The following PCDH9 variants were observed in gnomAD, a reference collection of about 807,000 sequenced individuals.
The protein encoded by PCDH9 is protocadherin-9.
PCDH9 carries 24 observed loss-of-function variants against 70.6 expected under a neutral mutation model. That is an observed-to-expected ratio of 0.34 (90% CI 0.25 to 0.48). The LOEUF (loss-of-function observed/expected upper bound fraction) is 0.48. Ranked by LOEUF, PCDH9 falls within the 20% of genes least tolerant of loss-of-function variation. The pLI, the probability that PCDH9 is intolerant of heterozygous loss-of-function variation, is 0.99. For synonymous variants in PCDH9, 562 were observed against 558.5 expected (o/e 1.01, Z -0.09); for missense variants, 1,281 against 1,503.6 (o/e 0.85, Z 2.45).
At chr13:67,119,853 T>A (rs1160095271) in intron 2 of PCDH9, among the ~76,000 whole-genome samples, 1 of 152,178 alleles carries the variant, frequency 6.6e-6, no homozygotes, top group African/African-American at 2.4e-5. Context: ...AGAAAAATTC[T>A]GAGCCAGGTG....
chr13:66,779,849 C>CTCTCTATATATATATATATATATA (rs1395244975), intron 3 of PCDH9, among the ~76,000 whole-genome samples: 2 of 78,920 alleles, frequency 2.5e-5, no homozygotes, highest in African/African-American at 1.0e-4. Context: ...CTCTCTCTCT[C>CTCTCTATATATATATATATATATA]TATATATATA....
At position 67,087,087 on chromosome 13, in the gene PCDH9, TAA is replaced by T. The variant is rs36017495; in HGVS notation, c.3036+138316_3036+138317del. Among the ~76,000 whole-genome samples, 1,215 of 123,742 alleles carry T rather than the reference TAA, an allele frequency of 9.8e-3. 27 individuals carry two copies. The highest frequency in any genetic ancestry group is 0.031 in the African/African-American group (1,043 of 33,288). The allele number at this position is 123,742 out of a possible 152,430, so 81.2% of individuals were successfully genotyped here. On this transcript the variant is annotated intron_variant, in intron 2 of 4. Transcript: ENST00000377865. Reference sequence around the variant, plus strand: ...TCAAGAAGAGAGTTTTGATGTTTTGTAAAAAAAAAAAAAAAAAAAAAAATTAA... The same window carrying T: ...TCAAGAAGAGAGTTTTGATGTTTTGTAAAAAAAAAAAAAAAAAAAAATTAA...
At chr13:66,862,560 C>G (rs1385135846) in intron 3 of PCDH9, among the ~76,000 whole-genome samples, 1 of 152,172 alleles carries the variant, frequency 6.6e-6, no homozygotes. Context: ...AAAACTCCTG[C>G]TTTAACTTGA....
chr13:67,229,453 T>G (rs2089959474), intron 1 of PCDH9, among the ~76,000 whole-genome samples: 1 of 152,198 alleles, frequency 6.6e-6, no homozygotes, highest in South Asian at 2.1e-4. Context: ...TAGTAACATT[T>G]GCCACACATA....
At chr13:66,971,160 C>G (rs529025695) in intron 2 of PCDH9, among the ~76,000 whole-genome samples, 72 of 152,154 alleles carry the variant, frequency 4.7e-4, no homozygotes, top group Middle Eastern at 6.8e-3. Context: ...TCCTCTAACA[C>G]TCTGTACTGT....
chr13:66,505,768 T>C (rs1959205561), intron 4 of PCDH9, among the ~76,000 whole-genome samples: 1 of 152,084 alleles, frequency 6.6e-6, no homozygotes, highest in Non-Finnish European at 1.5e-5. Flanking sequence ...CCTCATACAA[T>C]ACGTGGGAAT....
chr13:66,877,722 G>T (rs2081843433), intron 3 of PCDH9, among the ~76,000 whole-genome samples: 2 of 152,016 alleles, frequency 1.3e-5, no homozygotes. Context: ...GTACCTTTCA[G>T]GTACACAATG....
At chr13:66,898,359 T>C (rs2082218969) in intron 3 of PCDH9, among the ~76,000 whole-genome samples, 1 of 152,028 alleles carries the variant, frequency 6.6e-6, no homozygotes, top group Non-Finnish European at 1.5e-5. Flanking sequence ...AGAAAAAATT[T>C]AGTGTTATTA....
intron 3 of PCDH9, among the ~76,000 whole-genome samples, chr13:66,890,924 A>G (rs550576251): frequency 6.8e-4 from 104 of 152,226 alleles, no homozygotes; most frequent in African/African-American, 2.5e-3. Flanking sequence ...TATTGCCTCA[A>G]AAACTTCCTC....
At chr13:66,360,370 TG>T (rs947924592) in intron 4 of PCDH9, among the ~76,000 whole-genome samples, 1 of 151,802 alleles carries the variant, frequency 6.6e-6, no homozygotes, top group African/African-American at 2.4e-5. Flanking sequence ...AGAGCAAAAA[TG>T]GGGGAAGTGT....
chr13:66,580,372 A>G (rs898973334), intron 4 of PCDH9, among the ~76,000 whole-genome samples: 3 of 151,992 alleles, frequency 2.0e-5, no homozygotes, highest in Admixed American at 2.0e-4. Flanking sequence ...CTCGATACCT[A>G]TCATTCTGTC....
intron 3 of PCDH9, among the ~76,000 whole-genome samples, chr13:66,804,837 T>C (rs1021358417): frequency 2.6e-5 from 4 of 152,136 alleles, no homozygotes; most frequent in Admixed American, 6.6e-5. Flanking sequence ...AGGGGGACTA[T>C]ATATAATTCT....
At chr13:66,560,934 G>A (rs561328207) in intron 4 of PCDH9, among the ~76,000 whole-genome samples, 25 of 152,332 alleles carry the variant, frequency 1.6e-4, no homozygotes, top group African/African-American at 4.6e-4. Flanking sequence ...CCCTCTCTGC[G>A]CCTCCTCTGC....
At chr13:66,413,268 T>G (rs764681626) in intron 4 of PCDH9, among the ~76,000 whole-genome samples, 2 of 152,234 alleles carry the variant, frequency 1.3e-5, no homozygotes, top group Non-Finnish European at 2.9e-5. Flanking sequence ...CTCATTGTAA[T>G]TTTAATAGCT....
intron 2 of PCDH9, among the ~76,000 whole-genome samples, chr13:67,193,765 G>T (rs974856586): frequency 5.3e-5 from 8 of 151,928 alleles, no homozygotes; most frequent in African/African-American, 1.5e-4. Flanking sequence ...TCAAATAAAG[G>T]TTCCTTTAAT....
intron 4 of PCDH9, among the ~76,000 whole-genome samples, chr13:66,465,844 A>G (rs945114193): frequency 2.6e-5 from 4 of 151,930 alleles, no homozygotes; most frequent in Non-Finnish European, 5.9e-5. Context: ...ATTAAAATAT[A>G]TTACTGTGGA....
intron 2 of PCDH9, among the ~76,000 whole-genome samples, chr13:67,071,604 T>G (rs1016593807): frequency 6.6e-6 from 1 of 152,028 alleles, no homozygotes; most frequent in Admixed American, 6.6e-5. Context: ...ACTAAGAGAA[T>G]GCTTTAGGCT....
intron 3 of PCDH9, among the ~76,000 whole-genome samples, chr13:66,838,455 C>T (rs2139424041): frequency 6.6e-6 from 1 of 151,826 alleles, no homozygotes; most frequent in East Asian, 1.9e-4. Context: ...ATACTTTGTA[C>T]ACATTCATAT....
chr13:66,943,934 C>T (rs2083046580), intron 2 of PCDH9, among the ~76,000 whole-genome samples: 1 of 151,638 alleles, frequency 6.6e-6, no homozygotes, highest in African/African-American at 2.4e-5. Context: ...ATACAAACTG[C>T]ATGACCCTGG....
Sources: gnomAD v4.1 joint callset for allele counts (sites outside exome capture counted in the v4.1 genomes callset) on GRCh38, gnomAD v4.1.1 for gene constraint, MANE v1.5 for transcripts, NCBI Gene and HGNC (gene_info 2026-07-23, HGNC 2026-07-21) for gene names.